Variants in ENAM observed in about 807,000 individuals in gnomAD.
ENAM encodes the protein amelogenesis imperfecta 2, hypocalcification (autosomal dominant).
ENAM carries 21 observed loss-of-function variants against 33.6 expected under a neutral mutation model. The observed-to-expected ratio is 0.63, with a 90% confidence interval of 0.44 to 0.90. ENAM has a LOEUF of 0.90. ENAM is among the 40% of genes least tolerant of loss of function. The pLI is 0.00. For synonymous variants in ENAM, 473 were observed against 468.4 expected (o/e 1.01, Z -0.13); for missense variants, 1,388 against 1,366.9 (o/e 1.02, Z -0.24).
intron 2 of ENAM, among the ~76,000 whole-genome samples, chr4:70,630,635 C>A (rs1738287949): frequency 2.6e-5 from 4 of 152,122 alleles, no homozygotes; most frequent in Admixed American, 2.0e-4. Flanking sequence ...CTCCAAACTT[C>A]ATACATAAGT....
intron 2 of ENAM, 139 bp downstream of exon 2, chr4:70,629,693 A>C: frequency 1.3e-6 from 1 of 773,050 alleles, no homozygotes; most frequent in Non-Finnish European, 2.4e-6. Context: ...ATGGAATGGA[A>C]GAAGAACTTA....
chr4:70,629,697 G>A, intron 2 of ENAM, 143 bp downstream of exon 2: 1 of 764,196 alleles, frequency 1.3e-6, no homozygotes, highest in Non-Finnish European at 2.4e-6. Context: ...AATGGAAGAA[G>A]AACTTACACA....
In ENAM at chr4:70,644,089, C is replaced by G; in HGVS notation, c.2663C>G (p.Ala888Gly). 1 of 1,614,136 alleles carries G rather than the reference C, an allele frequency of 6.2e-7. No individual in the cohort carries two copies. Among genetic ancestry groups the G allele is most frequent in the East Asian group, 2.2e-5 (1 of 44,876 alleles). Residue 888 changes from alanine (A) to glycine (G), a missense_variant, in exon 9 of 9, where the codon GCT becomes GGT. Physicochemically the swap from Ala to Gly is moderately conservative, Grantham distance 60. Transcript: ENST00000396073. ...SSTGPKDNPL[A>G]LQDYTPSYGL... ...ACAGGGCCCAAGGACAATCCACTAG[C>G]TCTACAAGACTACACTCCATCCTAT...
At chr4:70,629,175 C>T (rs1227169574) in intron 1 of ENAM, among the ~76,000 whole-genome samples, 4 of 152,052 alleles carry the variant, frequency 2.6e-5, no homozygotes, top group African/African-American at 9.7e-5. Context: ...CTTAGACCTC[C>T]TTTACTACTG....
rs749225060 is a variant in ENAM, at chr4:70,642,166, C to T, written c.740C>T (p.Thr247Ile). The change falls in exon 9 of 9, where the codon ACA becomes ATA. Residue 247 changes from threonine (T) to isoleucine (I), a missense_variant. Physicochemically the swap from Thr to Ile is moderately conservative, Grantham distance 89. Coordinates refer to ENST00000396073, the MANE Select transcript of ENAM (RefSeq NM_031889.3). ...GGCACAGAACCCACAGCTAATTCAA[C>T]AGTCACTGAGACGAATTCTACCCAA... The part of the protein sequence containing the change: ...SPGTEPTANS[T>I]VTETNSTQPN... 1 of 1,614,158 alleles carries T rather than the reference C, an allele frequency of 6.2e-7. No homozygotes were observed. The highest frequency in any genetic ancestry group is 8.5e-7 in the Non-Finnish European group (1 of 1,180,026).
chr4:70,640,551 C>T (rs1738571529), intron 8 of ENAM, among the ~76,000 whole-genome samples: 1 of 151,900 alleles, frequency 6.6e-6, no homozygotes, highest in Non-Finnish European at 1.5e-5. Flanking sequence ...TAGTTATAGC[C>T]CAGATTATTA....
At chr4:70,634,816 T>C (rs1738411416) in intron 6 of ENAM, among the ~76,000 whole-genome samples, 1 of 152,244 alleles carries the variant, frequency 6.6e-6, no homozygotes, top group South Asian at 2.1e-4. Context: ...ATATGAGCAC[T>C]AATCTAACAG....
At position 70,643,157 on chromosome 4, in the gene ENAM, G is replaced by T; in HGVS notation, c.1731G>T (p.Lys577Asn). The change falls in exon 9 of 9, where the codon AAG becomes AAT. Residue 577 changes from lysine (K) to asparagine (N), a missense_variant. Coordinates refer to ENST00000396073, the MANE Select transcript of ENAM (RefSeq NM_031889.3). ...ACCAAGAAATCTCTCCACCTTTTAAGGAAGATCCAGGGAGGCAAGAAGAAC... is the reference window on the plus strand; with the variant it reads ...ACCAAGAAATCTCTCCACCTTTTAATGAAGATCCAGGGAGGCAAGAAGAAC... ...WDHQEISPPF[K>N]EDPGRQEEHL... 6.2e-7 allele frequency: 1 copy of T among 1,613,730 alleles called. No individual in the cohort carries two copies. Among genetic ancestry groups the T allele is most frequent in the South Asian group, 1.1e-5 (1 of 91,030 alleles).
chr4:70,634,258 C>G, intron 5 of ENAM, 50 bp from the exon 6 acceptor site: 1 of 1,586,136 alleles, frequency 6.3e-7, no homozygotes, highest in Non-Finnish European at 8.6e-7. Flanking sequence ...ATGGAGACAG[C>G]CTGAATCACA....
At chr4:70,629,317 A>C (rs1299053733) in intron 1 of ENAM, 124 bp from the exon 2 acceptor site, 5 of 619,126 alleles carry the variant, frequency 8.1e-6, no homozygotes, top group Non-Finnish European at 1.2e-5. Flanking sequence ...ACAGAAGATT[A>C]AACTTGATTT....
chr4:70,629,169 G>T (rs1394496138), intron 1 of ENAM, among the ~76,000 whole-genome samples: 2 of 151,994 alleles, frequency 1.3e-5, no homozygotes, highest in African/African-American at 4.8e-5. Flanking sequence ...AGCCTTCTTA[G>T]ACCTCCTTTA....
rs1267385507 is a variant in ENAM at position 70,629,566 on chromosome 4, CA to C, written c.54+13del. 1 of 1,604,712 alleles carries C rather than the reference CA, an allele frequency of 6.2e-7. No individual in the cohort carries two copies. Among genetic ancestry groups the C allele is most frequent in the East Asian group, 2.2e-5 (1 of 44,780 alleles). On this transcript the variant is annotated intron_variant, in intron 2 of 8. Transcript: ENST00000396073. ...AACTAGATAACTTGGTGAGTACTTTCATTTATTTTTGCCAATACATACAGGT... is the reference window on the plus strand; with the variant it reads ...AACTAGATAACTTGGTGAGTACTTTCTTTATTTTTGCCAATACATACAGGT...
chr4:70,631,218 T>C (rs1460946986), intron 2 of ENAM, among the ~76,000 whole-genome samples: 1 of 152,196 alleles, frequency 6.6e-6, no homozygotes, highest in African/African-American at 2.4e-5. Flanking sequence ...GAGTGTGCCC[T>C]CCTTGAAACT....
At chr4:70,633,474 T>C (rs544773119) in intron 5 of ENAM, among the ~76,000 whole-genome samples, 1 of 152,242 alleles carries the variant, frequency 6.6e-6, no homozygotes, top group South Asian at 2.1e-4. Flanking sequence ...TGTCATGAAA[T>C]CCTGTGTCTT....
chr4:70,644,649 A>G lies in ENAM; in HGVS notation c.3223A>G (p.Ser1075Gly). The G allele has an allele frequency of 6.2e-7, 1 of 1,613,216 alleles. No homozygotes were observed. The highest frequency in any genetic ancestry group is 1.7e-4 in the Middle Eastern group (1 of 6,058). The change falls in exon 9 of 9, where the codon AGC becomes GGC. Residue 1075 changes from serine (S) to glycine (G), a missense_variant. By Grantham distance (56) the Ser-to-Gly change is moderately conservative (BLOSUM62 0). Transcript: ENST00000396073. ...HHSSTTGTPSSDGRQSPFDGD... is the reference protein window; with the variant it reads ...HHSSTTGTPSGDGRQSPFDGD... ...CTCTTCCACCACCGGAACTCCATCT[A>G]GCGATGGAAGGCAAAGCCCATTTGA...
In ENAM at chr4:70,646,506, T is replaced by C. The variant is rs1298900788; in HGVS notation, c.*1651T>C. The C allele has an allele frequency of 6.6e-6, 1 of 152,176 alleles. No homozygotes were observed. Among genetic ancestry groups the C allele is most frequent in the African/African-American group, 2.4e-5 (1 of 41,434 alleles). The allele number at this position is 152,176 out of a possible 1,614,324, so 9.4% of individuals were successfully genotyped here. A position where few individuals can be genotyped will look rare whatever the true frequency, so the allele number is the denominator to read the frequency against. Reference sequence around the variant, plus strand: ...ACATAGAAGGTACCCAATAAATATATATCAATTCATTTTTTAATGACTTTC... The same window carrying C: ...ACATAGAAGGTACCCAATAAATATACATCAATTCATTTTTTAATGACTTTC... On this transcript the variant is annotated 3_prime_UTR_variant, in exon 9 of 9. Transcript: ENST00000396073.
intron 2 of ENAM, among the ~76,000 whole-genome samples, chr4:70,630,893 C>T (rs1738296819): frequency 1.3e-5 from 2 of 152,080 alleles, no homozygotes; most frequent in African/African-American, 4.8e-5. Context: ...AGGTGTGAGA[C>T]ACCACACCCG....
At chr4:70,630,108 G>T (rs1028465069) in intron 2 of ENAM, among the ~76,000 whole-genome samples, 15 of 152,092 alleles carry the variant, frequency 9.9e-5, no homozygotes, top group African/African-American at 3.6e-4. Context: ...TCTCTATGAT[G>T]TTCTAACTCT....
intron 1 of ENAM, 76 bp from the exon 2 acceptor site, chr4:70,629,365 T>C: frequency 1.3e-6 from 1 of 762,690 alleles, no homozygotes; most frequent in South Asian, 1.5e-5. Flanking sequence ...GATAAAATAA[T>C]TAACATGACA....
Sources: allele counts gnomAD v4.1 joint callset (sites outside exome capture counted in the v4.1 genomes callset), GRCh38; gene constraint gnomAD v4.1.1; transcripts MANE v1.5; gene names NCBI Gene and HGNC (gene_info 2026-07-23, HGNC 2026-07-21).